Variants in TUBA4B observed in about 807,000 individuals in gnomAD.
The protein encoded by TUBA4B is tubulin alpha 4b, also known as tubulin-like protein alpha-4B.
In TUBA4B, 13 loss-of-function variants were observed where a neutral mutation model predicts 18.4. The ratio of observed to expected loss-of-function variants is 0.71; its 90% CI spans 0.46 to 1.12. The LOEUF (loss-of-function observed/expected upper bound fraction) is 1.12. Among genes scored for constraint, TUBA4B ranks in the 50% most tolerant of loss-of-function variants. TUBA4B has a pLI of 0.00. For synonymous variants in TUBA4B, 101 were observed against 99.1 expected (o/e 1.02, Z -0.11); for missense variants, 244 against 250.0 (o/e 0.98, Z 0.16).
At chr2:219,259,385 T>C (rs1951746611) in intron 1 of TUBA4B, among the ~76,000 whole-genome samples, 1 of 148,976 alleles carries the variant, frequency 6.7e-6, no homozygotes, top group Admixed American at 6.7e-5. Context: ...CTGCTTCTGA[T>C]TGTGTGTGTG....
Position 219,270,206 on chromosome 2 carries a change from A to T in TUBA4B, c.63A>T (p.Thr21=). 1.3e-6 allele frequency: 1 copy of T among 751,084 alleles called. No individual in the cohort carries two copies. Among genetic ancestry groups the T allele is most frequent in the Non-Finnish European group, 2.5e-6 (1 of 406,062 alleles). The allele number at this position is 751,084 out of a possible 1,614,324, so 46.5% of individuals were successfully genotyped here. A position where few individuals can be genotyped will look rare whatever the true frequency, so the allele number is the denominator to read the frequency against. Residue 21 remains threonine (T), a synonymous_variant, in exon 3 of 4, where the codon ACA becomes ACT. Transcript: ENST00000490341. The stretch of plus-strand genomic sequence containing the variant: ...CTGCAGATGAACTTTGAACAGGCAC[A>T]TACCGCCAGATCTTCCATCCAGAGC... The part of the protein sequence containing the change: ...PSQPLSRQHG[T]YRQIFHPEQL...
intron 1 of TUBA4B, among the ~76,000 whole-genome samples, chr2:219,256,752 C>T (rs1951722737): frequency 1.3e-5 from 2 of 152,072 alleles, no homozygotes; most frequent in African/African-American, 4.8e-5. Flanking sequence ...CTTTAGGAGG[C>T]TGAGGTGGGA....
chr2:219,262,781 A>C (rs1184655665), intron 1 of TUBA4B, among the ~76,000 whole-genome samples: 3 of 151,946 alleles, frequency 2.0e-5, no homozygotes, highest in East Asian at 1.9e-4. Context: ...TGGCTCACAC[A>C]TGTAATCCCA....
chr2:219,262,577 G>A (rs1057162754), intron 1 of TUBA4B, among the ~76,000 whole-genome samples: 1 of 152,114 alleles, frequency 6.6e-6, no homozygotes, highest in African/African-American at 2.4e-5. Flanking sequence ...GCATGATCAC[G>A]GCTCACTGCA....
Position 219,253,367 on chromosome 2 carries a change from G to T in TUBA4B, c.-41G>T. 1 of 1,533,962 alleles carries T rather than the reference G, an allele frequency of 6.5e-7. No individual in the cohort carries two copies. ...GGTGCTGAGTCACGGGGGGGGGGTGGTTCTGTGGATAGTTGGAATGCATAC... is the reference window on the plus strand; with the variant it reads ...GGTGCTGAGTCACGGGGGGGGGGTGTTTCTGTGGATAGTTGGAATGCATAC... On this transcript the variant is annotated 5_prime_UTR_variant, in exon 1 of 4. Coordinates refer to ENST00000490341, the MANE Select transcript of TUBA4B (RefSeq NM_001355221.1).
rs192395123 is a variant in TUBA4B at position 219,262,556 on chromosome 2, G to A, written c.13-3965G>A. ...GGGTCTTACTGTGTCACCCAGGCTG[G>A]AGTGCAAGTGGCATGATCACGGCTC... On this transcript the variant is annotated intron_variant, in intron 1 of 3. Coordinates refer to ENST00000490341, the MANE Select transcript of TUBA4B (RefSeq NM_001355221.1). 4.6e-3 allele frequency among the ~76,000 whole-genome samples: 707 copies of A among 152,246 alleles called. 8 individuals are homozygous for A. Among genetic ancestry groups the A allele is most frequent in the African/African-American group, 0.016 (675 of 41,530 alleles).
intron 1 of TUBA4B, chr2:219,253,902 G>A (rs1199854038): frequency 5.0e-6 from 7 of 1,410,016 alleles, no homozygotes; most frequent in East Asian, 5.7e-5. Context: ...GGGGTGACAG[G>A]TCTCAGTGAG....
intron 1 of TUBA4B, among the ~76,000 whole-genome samples, chr2:219,258,036 G>A (rs185603822): frequency 1.4e-4 from 21 of 147,082 alleles, no homozygotes; most frequent in Admixed American, 7.5e-4. Flanking sequence ...ACCCAGGCTG[G>A]AGTGCAGTAG....
chr2:219,270,392 G>A (rs1951818350), intron 3 of TUBA4B, 57 bp downstream of exon 3: 1 of 699,764 alleles, frequency 1.4e-6, no homozygotes, highest in East Asian at 2.7e-5. Context: ...CCTGTTGTGA[G>A]GTAGTCTGGA....
chr2:219,255,809 T>A (rs1339406891), intron 1 of TUBA4B, among the ~76,000 whole-genome samples: 1 of 152,092 alleles, frequency 6.6e-6, no homozygotes, highest in Non-Finnish European at 1.5e-5. Flanking sequence ...CCCTCCCCCA[T>A]CACCTGACAA....
Position 219,271,270 on chromosome 2 carries a change from C to T in TUBA4B, c.297C>T (p.Asn99=). Residue 99 remains asparagine (N), a synonymous_variant, in exon 4 of 4, where the codon AAC becomes AAT. Coordinates refer to ENST00000490341, the MANE Select transcript of TUBA4B (RefSeq NM_001355221.1). Reference sequence around the variant, plus strand: ...TCCTGATGGAGTGGCTTTCTGTTAACTATGGCAAGAAATCCAAGCTGGGAT... The same window carrying T: ...TCCTGATGGAGTGGCTTTCTGTTAATTATGGCAAGAAATCCAAGCTGGGAT... The part of the protein sequence containing the change: ...TSFLMEWLSV[N]YGKKSKLGFS... The T allele has an allele frequency of 1.4e-6, 2 of 1,472,530 alleles. No homozygotes were observed. Among genetic ancestry groups the T allele is most frequent in the Non-Finnish European group, 1.9e-6 (2 of 1,051,284 alleles). 91.2% of individuals were successfully genotyped at this position (1,472,530 alleles called of 1,614,324 possible).
intron 1 of TUBA4B, among the ~76,000 whole-genome samples, chr2:219,261,864 T>A (rs756940173): frequency 6.6e-6 from 1 of 152,224 alleles, no homozygotes; most frequent in Admixed American, 6.5e-5. Context: ...TATGATCTCA[T>A]CTTGTAGAGC....
At chr2:219,266,404 C>T in intron 1 of TUBA4B, 117 bp from the exon 2 acceptor site, 1 of 623,880 alleles carries the variant, frequency 1.6e-6, no homozygotes, top group South Asian at 1.8e-5. Flanking sequence ...AGGCCCTGCC[C>T]TCCCAGGCCG....
chr2:219,253,728 C>A, intron 1 of TUBA4B: 3 of 1,179,944 alleles, frequency 2.5e-6, no homozygotes, highest in Non-Finnish European at 2.4e-6. Context: ...AGGGAGGATG[C>A]AAAACCCTCG....
rs575113289 is a variant in TUBA4B, at chr2:219,271,419, A to G, written c.446A>G (p.Tyr149Cys). The change falls in exon 4 of 4, where the codon TAT becomes TGT. Residue 149 changes from tyrosine to cysteine, a missense_variant. Physicochemically the swap from Tyr to Cys is radical, Grantham distance 194. Coordinates refer to ENST00000490341, the MANE Select transcript of TUBA4B (RefSeq NM_001355221.1). ...TTCATGGTGGACAACAAAGCAATCT[A>G]TGACATCTGCCACTGCAACCTAGAC... The part of the protein sequence containing the change: ...CAFMVDNKAI[Y>C]DICHCNLDIE... 6 of 1,614,170 alleles carry G rather than the reference A, an allele frequency of 3.7e-6. No homozygotes were observed. In the African/African-American group the frequency reaches 5.3e-5, roughly 14 times the overall value.
chr2:219,266,369 C>T lies in TUBA4B; in HGVS notation c.13-152C>T, dbSNP rs554045464. 5.0e-6 allele frequency: 3 copies of T among 601,348 alleles called. No homozygotes were observed. The East Asian group carries it at 8.4e-5, about 17-fold the overall frequency. The allele number at this position is 601,348 out of a possible 1,614,324, so 37.3% of individuals were successfully genotyped here. On this transcript the variant is annotated intron_variant, in intron 1 of 3. Coordinates refer to ENST00000490341, the MANE Select transcript of TUBA4B (RefSeq NM_001355221.1). ...TGTTTGGGTGCAGGCCCAGAGCTTGCCTCGTACTCTGTGACCAAGTCAACA... is the reference window on the plus strand; with the variant it reads ...TGTTTGGGTGCAGGCCCAGAGCTTGTCTCGTACTCTGTGACCAAGTCAACA...
rs1007700950 is a variant in TUBA4B, at chr2:219,253,363, G to T, written c.-45G>T. 3.3e-6 allele frequency: 5 copies of T among 1,534,408 alleles called. No homozygotes were observed. Among genetic ancestry groups the T allele is most frequent in the Admixed American group, 2.0e-5 (1 of 50,912 alleles). On this transcript the variant is annotated 5_prime_UTR_variant, in exon 1 of 4. Coordinates refer to ENST00000490341, the MANE Select transcript of TUBA4B (RefSeq NM_001355221.1). ...GCGGGGTGCTGAGTCACGGGGGGGG[G>T]GTGGTTCTGTGGATAGTTGGAATGC...
At chr2:219,266,590 G>T (rs959050732) in intron 2 of TUBA4B, 24 bp downstream of exon 2, 2 of 702,620 alleles carry the variant, frequency 2.8e-6, no homozygotes, top group Admixed American at 2.0e-5. Flanking sequence ...GCCTTGGGGG[G>T]ACTGAGCATG....
chr2:219,268,359 T>G (rs1951804899), intron 2 of TUBA4B, among the ~76,000 whole-genome samples: 1 of 152,128 alleles, frequency 6.6e-6, no homozygotes, highest in African/African-American at 2.4e-5. Flanking sequence ...CCTCCCAAAG[T>G]GCTGGGATTA....
Sources: gnomAD v4.1 joint callset for allele counts (sites outside exome capture counted in the v4.1 genomes callset) on GRCh38, gnomAD v4.1.1 for gene constraint, MANE v1.5 for transcripts, NCBI Gene and HGNC (gene_info 2026-07-23, HGNC 2026-07-21) for gene names.